Variants in ADK observed in about 807,000 individuals in gnomAD.
The protein encoded by ADK is N6,N6-dimethyladenosine kinase.
A neutral mutation model predicts 44.7 loss-of-function variants in ADK; 24 were observed. The observed-to-expected ratio is 0.54, with a 90% CI of 0.39 to 0.76. ADK has a LOEUF of 0.76. Ranked by LOEUF, ADK falls within the 30% of genes least tolerant of loss-of-function variation. ADK has a pLI of 0.00. For missense variants in ADK, 321 were observed against 425.1 expected, an observed-to-expected ratio of 0.76 and a Z score of 2.15; for synonymous variants, 128 against 142.6, an observed-to-expected ratio of 0.90 and a Z score of 0.73.
At chr10:74,392,798 G>A (rs1328895816) in intron 4 of ADK, among the ~76,000 whole-genome samples, 4 of 151,992 alleles carry the variant, frequency 2.6e-5, no homozygotes, top group African/African-American at 9.7e-5. Context: ...TTACCTTTGA[G>A]ACTTGATTTT....
At chr10:74,307,877 A>G (rs987359184) in intron 3 of ADK, among the ~76,000 whole-genome samples, 3 of 152,118 alleles carry the variant, frequency 2.0e-5, no homozygotes, top group African/African-American at 7.2e-5. Context: ...CTTGGGGGTG[A>G]TGCTCTAGGT....
At chr10:74,619,573 A>C (rs1852907261) in intron 9 of ADK, among the ~76,000 whole-genome samples, 1 of 151,846 alleles carries the variant, frequency 6.6e-6, no homozygotes, top group South Asian at 2.1e-4. Flanking sequence ...CTTGTCATCT[A>C]TTTTTTTCTA....
chr10:74,424,760 C>T (rs1047107160), intron 6 of ADK, among the ~76,000 whole-genome samples: 13 of 151,768 alleles, frequency 8.6e-5, no homozygotes, highest in South Asian at 4.2e-4. Context: ...ATCTATCTTC[C>T]GATATTGGTA....
chr10:74,197,432 C>A (rs946140175), intron 1 of ADK, among the ~76,000 whole-genome samples: 4 of 152,140 alleles, frequency 2.6e-5, no homozygotes, highest in African/African-American at 7.2e-5. Context: ...GGCGTGGTAG[C>A]TCACACCTGT....
intron 2 of ADK, among the ~76,000 whole-genome samples, chr10:74,213,656 G>A (rs1295060842): frequency 6.6e-6 from 1 of 152,174 alleles, no homozygotes; most frequent in African/African-American, 2.4e-5. Context: ...GATGAAGTAT[G>A]ATGAGTTTAT....
chr10:74,333,873 G>A (rs181520958), intron 4 of ADK, among the ~76,000 whole-genome samples: 180 of 152,180 alleles, frequency 1.2e-3, no homozygotes, highest in Non-Finnish European at 2.2e-3. Flanking sequence ...GGACACCAGG[G>A]ATGGTACCAC....
At chr10:74,497,532 C>T (rs1201626024) in intron 6 of ADK, among the ~76,000 whole-genome samples, 1 of 152,088 alleles carries the variant, frequency 6.6e-6, no homozygotes, top group East Asian at 1.9e-4. Flanking sequence ...GTGCTATGTG[C>T]CAGGCATGGT....
rs12359909 is a variant in ADK at position 74,656,190 on chromosome 10, C to G, written c.878-13993C>G. On this transcript the variant is annotated intron_variant, in intron 9 of 10. Transcript: ENST00000539909. ...CTGTCTGCTCCAGACATTTTGTTCT[C>G]GAATCTCTGCAACCCAGGAGAGGCC... 1.5e-4 allele frequency: 37 copies of G among 252,902 alleles called. 2 individuals carry two copies. Among genetic ancestry groups the G allele is most frequent in the African/African-American group, 6.9e-4 (30 of 43,790 alleles). The allele number at this position is 252,902 out of a possible 1,614,324, so 15.7% of individuals were successfully genotyped here.
chr10:74,407,531 G>A (rs1265018710), intron 6 of ADK, among the ~76,000 whole-genome samples: 1 of 151,964 alleles, frequency 6.6e-6, no homozygotes. Flanking sequence ...GGTTTTTCCT[G>A]ATTACCTGGG....
chr10:74,219,095 C>G (rs1045843830), intron 2 of ADK, among the ~76,000 whole-genome samples: 1 of 152,110 alleles, frequency 6.6e-6, no homozygotes, highest in Non-Finnish European at 1.5e-5. Flanking sequence ...AGAGTCAAGA[C>G]CCATCAGTGT....
intron 6 of ADK, among the ~76,000 whole-genome samples, chr10:74,513,930 C>T (rs1440318890): frequency 6.6e-6 from 1 of 152,160 alleles, no homozygotes; most frequent in Non-Finnish European, 1.5e-5. Context: ...CACATATTTT[C>T]ATGATGGTGA....
At chr10:74,291,673 A>G (rs1847444493) in intron 3 of ADK, among the ~76,000 whole-genome samples, 1 of 151,432 alleles carries the variant, frequency 6.6e-6, no homozygotes, top group Non-Finnish European at 1.5e-5. Flanking sequence ...TTTATATTAC[A>G]TGTGGTAACT....
intron 3 of ADK, among the ~76,000 whole-genome samples, chr10:74,314,103 C>T (rs1840537911): frequency 6.6e-6 from 1 of 151,900 alleles, no homozygotes; most frequent in Non-Finnish European, 1.5e-5. Context: ...TATTTTTATA[C>T]ATAAAACATA....
intron 3 of ADK, among the ~76,000 whole-genome samples, chr10:74,251,636 A>C (rs1461694374): frequency 6.6e-6 from 1 of 152,194 alleles, no homozygotes; most frequent in East Asian, 1.9e-4. Context: ...AGATTGTTAC[A>C]GCAAATAAGT....
At chr10:74,651,239 A>G (rs1263486756) in intron 9 of ADK, among the ~76,000 whole-genome samples, 2 of 152,104 alleles carry the variant, frequency 1.3e-5, no homozygotes, top group African/African-American at 2.4e-5. Context: ...GGCTTGTGCC[A>G]TTCTTCTTAA....
intron 3 of ADK, among the ~76,000 whole-genome samples, chr10:74,234,833 A>G (rs1016161724): frequency 1.3e-5 from 2 of 152,308 alleles, no homozygotes; most frequent in Non-Finnish European, 2.9e-5. Context: ...TCTAAACATT[A>G]TCTATAACAT....
chr10:74,662,527 C>T lies in ADK; in HGVS notation c.878-7656C>T, dbSNP rs552361738. ...AACTCCTGGGCTCAACCAGTCCTCC[C>T]GCCTCAGCCTCCCAAAGTGCTGGGA... is the stretch of plus-strand genomic sequence containing the variant. On this transcript the variant is annotated intron_variant, in intron 9 of 10. Transcript: ENST00000539909. Among the ~76,000 whole-genome samples, 14 of 152,274 alleles carry T rather than the reference C, an allele frequency of 9.2e-5. No individual in the cohort carries two copies. The South Asian group carries it at 1.0e-3, about 11-fold the overall frequency.
At chr10:74,258,460 T>C (rs1005328188) in intron 3 of ADK, among the ~76,000 whole-genome samples, 5 of 152,192 alleles carry the variant, frequency 3.3e-5, no homozygotes, top group African/African-American at 1.2e-4. Flanking sequence ...TCTCTTATAG[T>C]ATAAATTATC....
chr10:74,526,803 C>T (rs1053935532), intron 7 of ADK, among the ~76,000 whole-genome samples: 9 of 152,116 alleles, frequency 5.9e-5, no homozygotes, highest in Non-Finnish European at 1.2e-4. Context: ...CTGCTAGAAG[C>T]CTAATTTGAC....
Sources: allele counts gnomAD v4.1 joint callset (sites outside exome capture counted in the v4.1 genomes callset), GRCh38; gene constraint gnomAD v4.1.1; transcripts MANE v1.5; gene names NCBI Gene and HGNC (gene_info 2026-07-23, HGNC 2026-07-21).